Variants in ABCB5 observed in about 807,000 individuals in gnomAD.
ABCB5 encodes ATP binding cassette subfamily B member 5, also known as ATP-binding cassette sub-family B member 5.
ABCB5 carries 155 observed loss-of-function variants against 144.2 expected under a neutral mutation model. The observed-to-expected ratio is 1.08, with a 90% CI of 0.94 to 1.23. ABCB5 has a LOEUF of 1.23. ABCB5 is among the 50% of genes most tolerant of loss of function. The pLI, the probability that ABCB5 is intolerant of heterozygous loss-of-function variation, is 0.00. For synonymous variants in ABCB5, 610 were observed against 528.6 expected, an observed-to-expected ratio of 1.15 and a Z score of -2.11; for missense variants, 1,830 against 1,520.8, an observed-to-expected ratio of 1.20 and a Z score of -3.38.
chr7:20,679,994 T>A (rs7779305), intron 14 of ABCB5, among the ~76,000 whole-genome samples: 3 of 152,046 alleles, frequency 2.0e-5, no homozygotes, highest in Non-Finnish European at 2.9e-5. Flanking sequence ...AAAAAAAACT[T>A]AAAAACTATC....
intron 20 of ABCB5, among the ~76,000 whole-genome samples, chr7:20,717,585 G>A (rs1781717253): frequency 6.6e-6 from 1 of 151,848 alleles, no homozygotes; most frequent in Non-Finnish European, 1.5e-5. Context: ...TGGGATTACA[G>A]ACACGCACCA....
At chr7:20,638,275 C>A (rs185656621) in intron 5 of ABCB5, among the ~76,000 whole-genome samples, 176 of 152,122 alleles carry the variant, frequency 1.2e-3, no homozygotes, top group Non-Finnish European at 2.2e-3. Context: ...ATATTAATTT[C>A]TGTTTATATT....
In ABCB5 at chr7:20,755,542, T is replaced by C. The variant is rs765805735; in HGVS notation, c.3692T>C (p.Ile1231Thr). Residue 1231 changes from isoleucine to threonine, a missense_variant, in exon 28 of 28, where the codon ATA (isoleucine) becomes ACA (threonine). By Grantham distance (89) the Ile-to-Thr change is moderately conservative. Transcript: ENST00000404938. ...ATAGTGGTTCTGCACAATGGAAAGATAAAGGAACAAGGAACTCATCAAGAG... is the reference window on the plus strand; with the variant it reads ...ATAGTGGTTCTGCACAATGGAAAGACAAAGGAACAAGGAACTCATCAAGAG... The part of the protein sequence containing the change: ...DLIVVLHNGK[I>T]KEQGTHQELL... The C allele has an allele frequency of 9.3e-6, 15 of 1,614,088 alleles. No individual in the cohort carries two copies. The highest frequency in any genetic ancestry group is 1.3e-5 in the Non-Finnish European group (15 of 1,180,012).
At chr7:20,649,830 A>G (rs1175013056) in intron 11 of ABCB5, among the ~76,000 whole-genome samples, 192 bp from the exon 12 acceptor site, 1 of 152,250 alleles carries the variant, frequency 6.6e-6, no homozygotes, top group Non-Finnish European at 1.5e-5. Context: ...AGATAATGAT[A>G]GATTCTTTTA....
At chr7:20,708,315 G>T (rs1376794120) in intron 20 of ABCB5, among the ~76,000 whole-genome samples, 1 of 152,118 alleles carries the variant, frequency 6.6e-6, no homozygotes, top group African/African-American at 2.4e-5. Flanking sequence ...TTTAGTATTT[G>T]ATAATAGTGG....
At chr7:20,734,403 C>G (rs2128053143) in intron 23 of ABCB5, among the ~76,000 whole-genome samples, 1 of 150,068 alleles carries the variant, frequency 6.7e-6, no homozygotes, top group East Asian at 1.9e-4. Flanking sequence ...ACTGTAGATA[C>G]CTAGATCTCA....
intron 19 of ABCB5, 83 bp from the exon 20 acceptor site, chr7:20,704,641 T>G (rs1786756571): frequency 9.3e-7 from 1 of 1,071,312 alleles, no homozygotes; most frequent in Non-Finnish European, 1.4e-6. Context: ...AGGTAAATGT[T>G]TTCTGATTTA....
At chr7:20,725,377 G>A (rs1187797633) in intron 21 of ABCB5, among the ~76,000 whole-genome samples, 3 of 152,178 alleles carry the variant, frequency 2.0e-5, no homozygotes, top group Admixed American at 6.5e-5. Flanking sequence ...TCAGGAGTTC[G>A]AGACCAGCCT....
At chr7:20,735,839 T>C (rs1782364265) in intron 23 of ABCB5, among the ~76,000 whole-genome samples, 4 of 152,224 alleles carry the variant, frequency 2.6e-5, no homozygotes, top group Admixed American at 1.3e-4. Context: ...GCAAATTGCA[T>C]AATTTTTCTG....
At chr7:20,661,975 T>C (rs576137997) in intron 14 of ABCB5, among the ~76,000 whole-genome samples, 2 of 152,338 alleles carry the variant, frequency 1.3e-5, no homozygotes, top group African/African-American at 4.8e-5. Flanking sequence ...GCTACTTGTT[T>C]TGACCTGGTG....
intron 20 of ABCB5, among the ~76,000 whole-genome samples, chr7:20,715,726 CTT>C (rs374393822): frequency 7.2e-5 from 10 of 138,666 alleles, no homozygotes; most frequent in Admixed American, 1.4e-4. Context: ...GAGCTATAAT[CTT>C]TTTTTTTTTT....
Position 20,695,304 on chromosome 7 carries a change from G to GGCAACT in ABCB5, c.2011-3102_2011-3097dup, listed in dbSNP as rs1786370828. On this transcript the variant is annotated intron_variant, in intron 16 of 27. Coordinates refer to ENST00000404938, the MANE Select transcript of ABCB5 (RefSeq NM_001163941.2). ...AATTGCTTTTCAACACAAGGGCAAA[G>GGCAACT]GCAACTCAATTAACAATTTTTTTTT... Among the ~76,000 whole-genome samples the GGCAACT allele has an allele frequency of 2.6e-5, 4 of 151,822 alleles. No individual in the cohort carries two copies. The South Asian group carries it at 8.3e-4, about 32-fold the overall frequency.
rs1784890891 is a variant in ABCB5 at position 20,658,598 on chromosome 7, C to A, written c.1629C>A (p.Pro543=). 1 of 1,614,002 alleles carries A rather than the reference C, an allele frequency of 6.2e-7. No individual in the cohort carries two copies. The highest frequency in any genetic ancestry group is 8.5e-7 in the Non-Finnish European group (1 of 1,180,040). ...TTGCTCGTGCCTTAGTTCGAAACCC[C>A]AAGATTCTGATTTTAGATGAGGCTA... The part of the protein sequence containing the change: ...IAIARALVRN[P]KILILDEATS... The change falls in exon 14 of 28, where the codon CCC becomes CCA. Residue 543 remains proline, a synonymous_variant. Transcript: ENST00000404938.
intron 20 of ABCB5, among the ~76,000 whole-genome samples, chr7:20,722,058 A>G (rs542065708): frequency 6.6e-6 from 1 of 152,356 alleles, no homozygotes; most frequent in East Asian, 1.9e-4. Flanking sequence ...TGTGATTACA[A>G]CTTTATAAAT....
chr7:20,627,256 C>A (rs1472143470), intron 3 of ABCB5, among the ~76,000 whole-genome samples: 1 of 151,926 alleles, frequency 6.6e-6, no homozygotes, highest in Non-Finnish European at 1.5e-5. Context: ...TTAAAAAAAA[C>A]TGAATAGTAG....
intron 4 of ABCB5, among the ~76,000 whole-genome samples, chr7:20,630,191 T>A (rs79904744): frequency 0.056 from 8,560 of 152,218 alleles, 338 homozygotes; most frequent in South Asian, 0.14. Context: ...TTATATGCTT[T>A]TCCCCAAATT....
chr7:20,666,974 A>G (rs1785218231), intron 14 of ABCB5: 1 of 948,490 alleles, frequency 1.1e-6, no homozygotes, highest in Non-Finnish European at 1.4e-6. Flanking sequence ...TTACAGTTGA[A>G]TATTTTGTTG....
rs558378495 is a variant in ABCB5 at position 20,727,568 on chromosome 7, C to G, written c.2726+428C>G. On this transcript the variant is annotated intron_variant, in intron 22 of 27. Transcript: ENST00000404938. ...TGGACAACATGATGAAACCCCATCT[C>G]TACTAAAAATGCAAAAATTAGCTGG... 2.2e-4 allele frequency among the ~76,000 whole-genome samples: 34 copies of G among 152,236 alleles called. No homozygotes were observed. The South Asian group carries it at 6.9e-3, about 31-fold the overall frequency.
intron 1 of ABCB5, among the ~76,000 whole-genome samples, chr7:20,617,049 T>C (rs992095459): frequency 1.3e-5 from 2 of 152,190 alleles, no homozygotes; most frequent in Non-Finnish European, 2.9e-5. Flanking sequence ...ACCACATTAC[T>C]CTTCATAAAA....
Sources: gnomAD v4.1 joint callset for allele counts (sites outside exome capture counted in the v4.1 genomes callset) on GRCh38, gnomAD v4.1.1 for gene constraint, MANE v1.5 for transcripts, NCBI Gene and HGNC (gene_info 2026-07-23, HGNC 2026-07-21) for gene names.